Variants in TNFRSF10D observed in about 807,000 individuals in gnomAD.
TNFRSF10D encodes TNF receptor superfamily member 10d.
Under a neutral mutation model 42.1 loss-of-function variants are expected in TNFRSF10D, and 28 were observed. That is an observed-to-expected ratio of 0.66 (90% CI 0.49 to 0.91). The LOEUF is 0.91. Ranked by LOEUF, TNFRSF10D falls within the 40% of genes least tolerant of loss-of-function variation. TNFRSF10D has a pLI of 0.00. For synonymous variants in TNFRSF10D, 186 were observed against 189.4 expected, an observed-to-expected ratio of 0.98 and a Z score of 0.15; for missense variants, 503 against 486.1, an observed-to-expected ratio of 1.03 and a Z score of -0.33.
chr8:23,150,862 A>G (rs567553161), intron 2 of TNFRSF10D, among the ~76,000 whole-genome samples: 1 of 152,176 alleles, frequency 6.6e-6, no homozygotes, highest in Admixed American at 6.6e-5. Flanking sequence ...AAGTCACAGG[A>G]AGAAAAAAAA....
chr8:23,149,189 CAAAA>C (rs370400558), intron 2 of TNFRSF10D, among the ~76,000 whole-genome samples: 23 of 85,680 alleles, frequency 2.7e-4, no homozygotes, highest in South Asian at 4.2e-4. Context: ...GACTCTGTCT[CAAAA>C]AAAAAAAAAA....
chr8:23,142,512 T>G lies in TNFRSF10D; in HGVS notation c.954+1938A>C, dbSNP rs115672662. Among the ~76,000 whole-genome samples the G allele has an allele frequency of 5.4e-3, 817 of 152,320 alleles. 6 individuals are homozygous for G. The highest frequency in any genetic ancestry group is 0.019 in the African/African-American group (789 of 41,566). ...AATGTAGGAACGCAAAACCAAATAC[T>G]GCGTGTTCTCATTTATAAGTAGTAG... On this transcript the variant is annotated intron_variant, in intron 7 of 8. Transcript: ENST00000312584.
chr8:23,159,519 A>C (rs1274996956), intron 1 of TNFRSF10D, among the ~76,000 whole-genome samples: 1 of 152,144 alleles, frequency 6.6e-6, no homozygotes, highest in Non-Finnish European at 1.5e-5. Flanking sequence ...TCAATATATA[A>C]GTAACTGACT....
At chr8:23,145,965 C>G (rs758524102) in intron 4 of TNFRSF10D, 44 bp from the exon 5 acceptor site, 2 of 1,613,060 alleles carry the variant, frequency 1.2e-6, no homozygotes, top group East Asian at 4.5e-5. Context: ...TGATGGAAAG[C>G]TGGCCAGGTG....
chr8:23,155,815 T>TTCTCTCTCTC (rs57189946), intron 1 of TNFRSF10D, among the ~76,000 whole-genome samples: 24 of 150,242 alleles, frequency 1.6e-4, no homozygotes, highest in East Asian at 1.6e-3. Flanking sequence ...TGGGTGAATA[T>TTCTCTCTCTC]TCTCTCTCTC....
chr8:23,139,288 G>C (rs1814401015), intron 7 of TNFRSF10D, among the ~76,000 whole-genome samples: 1 of 152,012 alleles, frequency 6.6e-6, no homozygotes, highest in Admixed American at 6.6e-5. Flanking sequence ...GACACCAAAT[G>C]TTATCTCCTT....
chr8:23,144,966 G>T lies in TNFRSF10D; in HGVS notation c.768+92C>A, dbSNP rs113968393. The T allele has an allele frequency of 1.7e-3, 2,709 of 1,574,558 alleles. 5 individuals are homozygous for T. The African/African-American group carries it at 0.02, about 12-fold the overall frequency. ...TGTCAGAGAGTCAGGGCAGCCATGA[G>T]GACAAGGGATTGTGCCCACCCAGGC... On this transcript the variant is annotated intron_variant, in intron 6 of 8. Transcript: ENST00000312584.
Position 23,163,769 on chromosome 8 carries a change from C to G in TNFRSF10D, c.150+17G>C. ...AGGTGCGCTCTTCCCCAGCCAGGGA[C>G]CGCGGCGGAGACTCACCGGCAGCAG... is the stretch of plus-strand genomic sequence containing the variant. On this transcript the variant is annotated intron_variant, in intron 1 of 8. Transcript: ENST00000312584. 1 of 1,606,912 alleles carries G rather than the reference C, an allele frequency of 6.2e-7. No individual in the cohort carries two copies. Among genetic ancestry groups the G allele is most frequent in the Non-Finnish European group, 8.5e-7 (1 of 1,177,662 alleles).
rs982428645 is a variant in TNFRSF10D at position 23,137,704 on chromosome 8, C to T, written c.*166G>A. On this transcript the variant is annotated 3_prime_UTR_variant, in exon 9 of 9. Transcript: ENST00000312584. ...CACACGCAGTATTTCATAAAAATTACTCCAAGTGCGTTAACAAAGTTCTAG... is the reference window on the plus strand; with the variant it reads ...CACACGCAGTATTTCATAAAAATTATTCCAAGTGCGTTAACAAAGTTCTAG... 4.7e-5 allele frequency: 38 copies of T among 801,750 alleles called. No individual in the cohort carries two copies. The highest frequency in any genetic ancestry group is 6.4e-5 in the Admixed American group (2 of 31,268). The allele number at this position is 801,750 out of a possible 1,614,324, so 49.7% of individuals were successfully genotyped here.
chr8:23,158,979 T>A (rs1800321387), intron 1 of TNFRSF10D, among the ~76,000 whole-genome samples: 1 of 152,124 alleles, frequency 6.6e-6, no homozygotes, highest in South Asian at 2.1e-4. Context: ...TGCTCCTATG[T>A]CCCCAGCAAT....
rs774208702 is a variant in TNFRSF10D, at chr8:23,144,655, C to T, written c.769-20G>A. On this transcript the variant is annotated intron_variant, in intron 6 of 8. Transcript: ENST00000312584. ...AAGGACCTTGGGAAGACAAAGAGCC[C>T]ACTCAAGTCCACACCCCGGGCTCAG... is the stretch of plus-strand genomic sequence containing the variant. 1.9e-6 allele frequency: 3 copies of T among 1,606,162 alleles called. No individual in the cohort carries two copies. In the African/African-American group the frequency reaches 4.0e-5, roughly 21 times the overall value.
intron 7 of TNFRSF10D, among the ~76,000 whole-genome samples, chr8:23,140,611 A>G (rs1446293535): frequency 6.6e-6 from 1 of 152,148 alleles, no homozygotes; most frequent in Non-Finnish European, 1.5e-5. Context: ...CTATCAAATT[A>G]CCAATGTCAT....
intron 7 of TNFRSF10D, among the ~76,000 whole-genome samples, chr8:23,139,481 G>T (rs149598407): frequency 6.6e-6 from 1 of 152,116 alleles, no homozygotes; most frequent in Non-Finnish European, 1.5e-5. Context: ...AGAGGTGTTT[G>T]CTCTTTTGGA....
Position 23,137,112 on chromosome 8 carries a change from T to TA in TNFRSF10D, c.*757dup, listed in dbSNP as rs1814344351. 2 of 152,204 alleles carry TA rather than the reference T, an allele frequency of 1.3e-5. No individual in the cohort carries two copies. The highest frequency in any genetic ancestry group is 3.8e-4 in the East Asian group (2 of 5,198). 9.4% of individuals were successfully genotyped at this position (152,204 alleles called of 1,614,324 possible). ...AAAAGAGATGTACAGCCTACAGTAG[T>TA]AAGCAATATAAATGTTTCTCTAATT... On this transcript the variant is annotated 3_prime_UTR_variant, in exon 9 of 9. Transcript: ENST00000312584.
At chr8:23,138,431 C>T (rs1658339467) in intron 7 of TNFRSF10D, among the ~76,000 whole-genome samples, 171 bp from the exon 8 acceptor site, 1 of 152,150 alleles carries the variant, frequency 6.6e-6, no homozygotes, top group Non-Finnish European at 1.5e-5. Context: ...GTGCTGGTGG[C>T]TCATTGAGAC....
At chr8:23,150,061 T>A (rs867283028) in intron 2 of TNFRSF10D, among the ~76,000 whole-genome samples, 19 of 152,320 alleles carry the variant, frequency 1.2e-4, no homozygotes, top group Middle Eastern at 3.4e-3. Context: ...AAGGGCATGA[T>A]AAAGGCATGA....
At chr8:23,147,114 C>T (rs1057005230) in intron 3 of TNFRSF10D, 42 bp from the exon 4 acceptor site, 13 of 1,551,022 alleles carry the variant, frequency 8.4e-6, no homozygotes, top group African/African-American at 1.4e-5. Flanking sequence ...GTTTCCCTGA[C>T]ATGTCTGTCC....
rs1800156922 is a variant in TNFRSF10D, at chr8:23,148,382, TCCCA to T, written c.370+52_370+55del. The T allele has an allele frequency of 2.1e-6, 3 of 1,408,332 alleles. No individual in the cohort carries two copies. The African/African-American group carries it at 4.3e-5, about 20-fold the overall frequency. The allele number at this position is 1,408,332 out of a possible 1,614,324, so 87.2% of individuals were successfully genotyped here. The stretch of plus-strand genomic sequence containing the variant: ...TTCCCCGACTCACATCGGCTACAGC[TCCCA>T]CCTCATCACTATGCACTCCACCTCT... On this transcript the variant is annotated intron_variant, in intron 3 of 8. Transcript: ENST00000312584.
chr8:23,156,238 A>C (rs1424877591), intron 1 of TNFRSF10D, among the ~76,000 whole-genome samples: 1 of 152,154 alleles, frequency 6.6e-6, no homozygotes, highest in Non-Finnish European at 1.5e-5. Context: ...GGGAGTGTGT[A>C]AAAGTACAAA....
Sources: allele counts gnomAD v4.1 joint callset (sites outside exome capture counted in the v4.1 genomes callset), GRCh38; gene constraint gnomAD v4.1.1; transcripts MANE v1.5; gene names NCBI Gene and HGNC (gene_info 2026-07-23, HGNC 2026-07-21).